The following SYN3 variants were observed in gnomAD, a reference collection of about 807,000 sequenced individuals.
SYN3 encodes the protein synapsin-3.
Under a neutral mutation model 65.8 loss-of-function variants are expected in SYN3, and 35 were observed. The observed-to-expected ratio is 0.53, with a 90% CI of 0.41 to 0.70. The LOEUF (loss-of-function observed/expected upper bound fraction) is 0.70. Ranked by LOEUF, SYN3 falls within the 30% of genes least tolerant of loss-of-function variation. The pLI is 0.00. For missense variants in SYN3, 680 were observed against 749.0 expected (o/e 0.91, Z 1.08); for synonymous variants, 270 against 292.9 (o/e 0.92, Z 0.80).
chr22:32,957,649 C>T (rs2051507352), intron 3 of SYN3, among the ~76,000 whole-genome samples: 1 of 152,184 alleles, frequency 6.6e-6, no homozygotes, highest in Admixed American at 6.5e-5. Context: ...ATTTGCAAAT[C>T]CCCATAGGCT....
intron 6 of SYN3, among the ~76,000 whole-genome samples, chr22:32,776,952 C>G (rs1359145446): frequency 6.6e-6 from 1 of 152,140 alleles, no homozygotes; most frequent in Non-Finnish European, 1.5e-5. Context: ...CGTGGGTGAA[C>G]TCACAGATGT....
chr22:32,608,095 G>A (rs759184266), intron 6 of SYN3, among the ~76,000 whole-genome samples: 2 of 152,236 alleles, frequency 1.3e-5, no homozygotes, highest in African/African-American at 4.8e-5. Flanking sequence ...ATGGAGTCTC[G>A]CTCTGTCTGT....
At chr22:32,599,704 G>A (rs1454811503) in intron 6 of SYN3, among the ~76,000 whole-genome samples, 3 of 152,126 alleles carry the variant, frequency 2.0e-5, no homozygotes, top group African/African-American at 7.2e-5. Flanking sequence ...TATCTGGGGT[G>A]TAATAAATGC....
chr22:32,534,357 C>T (rs897618768), intron 9 of SYN3, among the ~76,000 whole-genome samples: 1 of 152,054 alleles, frequency 6.6e-6, no homozygotes, highest in African/African-American at 2.4e-5. Context: ...GAAGTCCCTC[C>T]AGGCTGCCCT....
At chr22:32,842,792 A>G (rs956751831) in intron 6 of SYN3, among the ~76,000 whole-genome samples, 8 of 152,154 alleles carry the variant, frequency 5.3e-5, no homozygotes, top group African/African-American at 1.9e-4. Flanking sequence ...AGATGATACG[A>G]TATACTGTTA....
intron 7 of SYN3, among the ~76,000 whole-genome samples, chr22:32,547,560 A>T (rs1222165438): frequency 6.6e-6 from 1 of 151,734 alleles, no homozygotes; most frequent in Non-Finnish European, 1.5e-5. Flanking sequence ...TTGCTTTCTG[A>T]ATTGCTTTAC....
rs139942307 is a variant in SYN3 at position 32,645,514 on chromosome 22, G to A, written c.712-48778C>T. Among the ~76,000 whole-genome samples the A allele has an allele frequency of 9.8e-4, 149 of 151,700 alleles. 1 individual carries two copies. The highest frequency in any genetic ancestry group is 7.5e-3 in the Admixed American group (115 of 15,242). On this transcript the variant is annotated intron_variant, in intron 6 of 13. Transcript: ENST00000358763. ...AAATACCTCCTTGCATCTTAAACTT[G>A]TCTGCTTTAATAATTTACTCTACAA...
rs2060652155 is a variant in SYN3, at chr22:32,690,841, G to A, written c.712-94105C>T. On this transcript the variant is annotated intron_variant, in intron 6 of 13. Transcript: ENST00000358763. ...TTACCTTCATTTCTTCTGCCCACAT[G>A]GGAAGCGAGGGCTCATGAGCCTGCC... Among the ~76,000 whole-genome samples, 4 of 152,180 alleles carry A rather than the reference G, an allele frequency of 2.6e-5. No individual in the cohort carries two copies. The South Asian group carries it at 8.3e-4, about 31-fold the overall frequency.
chr22:32,874,746 C>T (rs766454986), intron 4 of SYN3, among the ~76,000 whole-genome samples: 1 of 152,212 alleles, frequency 6.6e-6, no homozygotes, highest in Non-Finnish European at 1.5e-5. Context: ...ACACCCAGAG[C>T]TGATTCCAGC....
At chr22:33,020,020 G>C (rs964213150) in intron 1 of SYN3, among the ~76,000 whole-genome samples, 1 of 152,196 alleles carries the variant, frequency 6.6e-6, no homozygotes, top group African/African-American at 2.4e-5. Flanking sequence ...TTTAGTAGTG[G>C]TATCTTTACA....
intron 12 of SYN3, among the ~76,000 whole-genome samples, chr22:32,526,911 G>A (rs2057987446): frequency 6.6e-6 from 1 of 152,174 alleles, no homozygotes; most frequent in Non-Finnish European, 1.5e-5. Context: ...CTCCATGCTG[G>A]TGCCAGAGCG....
chr22:32,865,146 G>T (rs1242403836), intron 5 of SYN3, 142 bp from the exon 6 acceptor site: 2 of 656,662 alleles, frequency 3.0e-6, no homozygotes, highest in Non-Finnish European at 5.5e-6. Flanking sequence ...ATAGGATAAA[G>T]ACCAGATTCC....
intron 6 of SYN3, chr22:32,635,062 A>G (rs2059796534): frequency 6.6e-6 from 1 of 152,156 alleles, no homozygotes; most frequent in African/African-American, 2.4e-5. Context: ...CTACTGGGAG[A>G]ACCCTCATGA....
intron 6 of SYN3, among the ~76,000 whole-genome samples, chr22:32,689,106 G>A (rs1215419859): frequency 6.6e-6 from 1 of 152,174 alleles, no homozygotes; most frequent in African/African-American, 2.4e-5. Context: ...GTACAACTAG[G>A]GGTAGTGGGG....
Position 32,538,259 on chromosome 22 carries a change from C to CCCT in SYN3, c.918-150_918-149insAGG, listed in dbSNP as rs577726926. 579 of 623,840 alleles carry CCCT rather than the reference C, an allele frequency of 9.3e-4. 3 individuals are homozygous for CCCT. The East Asian group carries it at 0.013, about 14-fold the overall frequency. 38.6% of individuals were successfully genotyped at this position (623,840 alleles called of 1,614,324 possible). A position where few individuals can be genotyped will look rare whatever the true frequency, so the allele number is the denominator to read the frequency against. On this transcript the variant is annotated intron_variant, in intron 8 of 13. Coordinates refer to ENST00000358763, the MANE Select transcript of SYN3 (RefSeq NM_003490.4). ...TCTTACGTACACACCTTGTCTTCAA[C>CCCT]TATATTTTCCTATGTTTATTTCCCT...
At chr22:32,980,426 T>C (rs994798405) in intron 3 of SYN3, among the ~76,000 whole-genome samples, 6 of 152,204 alleles carry the variant, frequency 3.9e-5, no homozygotes, top group Admixed American at 3.9e-4. Flanking sequence ...TATTTGACAT[T>C]TCCCTTGAAG....
chr22:32,797,455 G>T (rs1342956267), intron 6 of SYN3, among the ~76,000 whole-genome samples: 1 of 152,172 alleles, frequency 6.6e-6, no homozygotes, highest in Non-Finnish European at 1.5e-5. Flanking sequence ...AGGTTTCCCG[G>T]AGGAGGTGAC....
chr22:32,699,865 G>A (rs1601937464), intron 6 of SYN3, among the ~76,000 whole-genome samples: 1 of 152,048 alleles, frequency 6.6e-6, no homozygotes, highest in African/African-American at 2.4e-5. Flanking sequence ...CTTGAGGCAA[G>A]GTCTATGACT....
chr22:32,770,649 T>A (rs1264162637), intron 6 of SYN3, among the ~76,000 whole-genome samples: 4 of 152,094 alleles, frequency 2.6e-5, no homozygotes, highest in African/African-American at 9.7e-5. Context: ...TCCTTACCCA[T>A]CATATAATAC....
Sources: gnomAD v4.1 joint callset for allele counts (sites outside exome capture counted in the v4.1 genomes callset) on GRCh38, gnomAD v4.1.1 for gene constraint, MANE v1.5 for transcripts, NCBI Gene and HGNC (gene_info 2026-07-23, HGNC 2026-07-21) for gene names.